The following HEATR5B variants were observed in gnomAD, a reference collection of about 807,000 sequenced individuals.
The protein encoded by HEATR5B is HEAT repeat-containing protein 5B.
Under a neutral mutation model 224.1 loss-of-function variants are expected in HEATR5B, and 156 were observed. That is an observed-to-expected ratio of 0.70 (90% CI 0.61 to 0.80). The LOEUF is 0.80. HEATR5B is among the 30% of genes least tolerant of loss of function. The probability of loss-of-function intolerance (pLI) is 0.00; values close to 1 mark genes in which losing one functional copy is unlikely to be tolerated. For missense variants in HEATR5B, 2,323 were observed against 2,535.5 expected, an observed-to-expected ratio of 0.92 and a Z score of 1.80; for synonymous variants, 1,027 against 893.0, an observed-to-expected ratio of 1.15 and a Z score of -2.68.
At chr2:37,023,748 C>A (rs10084334) in intron 24 of HEATR5B, among the ~76,000 whole-genome samples, 1 of 151,724 alleles carries the variant, frequency 6.6e-6, no homozygotes. Context: ...ACCGCACTTA[C>A]CTTGGGTGAC....
rs1044525844 is a variant in HEATR5B at position 36,997,617 on chromosome 2, A to C, written c.5545+2969T>G. On this transcript the variant is annotated intron_variant, in intron 33 of 35. Coordinates refer to ENST00000233099, the MANE Select transcript of HEATR5B (RefSeq NM_019024.3). ...AGTCTCGCTCTGTAGCCCAGGCTGG[A>C]GTGCAGTGGCGCGATCTCGGCTCAC... Among the ~76,000 whole-genome samples the C allele has an allele frequency of 1.2e-3, 153 of 128,076 alleles. 1 individual carries two copies. The highest frequency in any genetic ancestry group is 4.3e-3 in the African/African-American group (140 of 32,480). 84.0% of individuals were successfully genotyped at this position (128,076 alleles called of 152,430 possible).
intron 10 of HEATR5B, among the ~76,000 whole-genome samples, chr2:37,063,132 G>C (rs1219464182): frequency 6.6e-6 from 1 of 152,104 alleles, no homozygotes; most frequent in Non-Finnish European, 1.5e-5. Flanking sequence ...CATAATAGGA[G>C]TTCAACAAAT....
chr2:37,070,302 G>A lies in HEATR5B; in HGVS notation c.855C>T (p.Phe285=), dbSNP rs1239322052. The A allele has an allele frequency of 1.9e-6, 3 of 1,614,084 alleles. No homozygotes were observed. The highest frequency in any genetic ancestry group is 1.7e-5 in the Admixed American group (1 of 60,016). ...ATGFLRGGSG[F]LKSGGEMLKV... is the part of the protein sequence containing the mutation. ...TTAACATTTCTCCACCGCTCTTTAAGAAACCTGACCCTCCACGCAGAAATC... is the reference window on the plus strand; with the variant it reads ...TTAACATTTCTCCACCGCTCTTTAAAAAACCTGACCCTCCACGCAGAAATC... The change falls in exon 7 of 36, where the codon TTC becomes TTT. Residue 285 remains phenylalanine, a synonymous_variant. Coordinates refer to ENST00000233099, the MANE Select transcript of HEATR5B (RefSeq NM_019024.3).
At chr2:37,020,201 G>A (rs184879740) in intron 25 of HEATR5B, among the ~76,000 whole-genome samples, 1 of 152,096 alleles carries the variant, frequency 6.6e-6, no homozygotes, top group East Asian at 1.9e-4. Context: ...CACCATGCCC[G>A]GCCTCAGTAA....
intron 25 of HEATR5B, among the ~76,000 whole-genome samples, chr2:37,020,366 G>A (rs1473291606): frequency 6.6e-6 from 1 of 152,208 alleles, no homozygotes; most frequent in Non-Finnish European, 1.5e-5. Context: ...ATCTCTTAAA[G>A]GGCAGAGCTA....
intron 10 of HEATR5B, among the ~76,000 whole-genome samples, chr2:37,062,774 A>G (rs1014941847): frequency 7.2e-5 from 11 of 152,166 alleles, no homozygotes; most frequent in Non-Finnish European, 1.5e-4. Flanking sequence ...GTAAGCTCCA[A>G]AAGATTAGCT....
At chr2:37,022,881 AT>A (rs1415342114) in intron 24 of HEATR5B, among the ~76,000 whole-genome samples, 3 of 152,196 alleles carry the variant, frequency 2.0e-5, no homozygotes, top group Admixed American at 6.5e-5. Flanking sequence ...CAGCACTAAT[AT>A]CGTAAAATTT....
At chr2:36,991,109 G>A (rs1045706710) in intron 33 of HEATR5B, among the ~76,000 whole-genome samples, 1 of 152,166 alleles carries the variant, frequency 6.6e-6, no homozygotes, top group South Asian at 2.1e-4. Flanking sequence ...TTAAATGTAT[G>A]CAGTTATATT....
At position 37,003,612 on chromosome 2, in the gene HEATR5B, C is replaced by G. The variant is rs1359283669; in HGVS notation, c.4980G>C (p.Leu1660Phe). 3 of 1,612,368 alleles carry G rather than the reference C, an allele frequency of 1.9e-6. No homozygotes were observed. The highest frequency in any genetic ancestry group is 2.5e-6 in the Non-Finnish European group (3 of 1,178,662). The change falls in exon 31 of 36, where the codon TTG becomes TTC. Residue 1660 changes from leucine (L) to phenylalanine (F), a missense_variant. Transcript: ENST00000233099. The stretch of plus-strand genomic sequence containing the variant: ...CTATCTGTTGTACAACTCCAGTAAC[C>G]AACAGCTGGACAGATGATGGATTCC... Reference protein sequence around the residue: ...LTWNPSSVQLLVTGVVQQIVR... With the variant: ...LTWNPSSVQLFVTGVVQQIVR...
chr2:37,050,073 TG>T (rs2148523368), intron 17 of HEATR5B, among the ~76,000 whole-genome samples: 1 of 151,942 alleles, frequency 6.6e-6, no homozygotes, highest in African/African-American at 2.4e-5. Flanking sequence ...AAAAAGTTTT[TG>T]TAGAGACAGG....
In HEATR5B at chr2:37,056,607, T is replaced by C; in HGVS notation, c.2232A>G (p.Pro744=). The C allele has an allele frequency of 6.3e-7, 1 of 1,587,854 alleles. No individual in the cohort carries two copies. The highest frequency in any genetic ancestry group is 8.5e-7 in the Non-Finnish European group (1 of 1,170,286). Residue 744 remains proline, a synonymous_variant, in exon 16 of 36, where the codon CCA becomes CCG. Coordinates refer to ENST00000233099, the MANE Select transcript of HEATR5B (RefSeq NM_019024.3). ...DHKSIEDQLQ[P]NSASGSGALE... is the part of the protein sequence containing the mutation. Reference sequence around the variant, plus strand: ...GAGCCCCACTTCCAGAGGCACTGTTTGGCTGGAGCTGCAAAAGAGTGAAAT... The same window carrying C: ...GAGCCCCACTTCCAGAGGCACTGTTCGGCTGGAGCTGCAAAAGAGTGAAAT...
Position 37,007,046 on chromosome 2 carries a change from C to T in HEATR5B, c.4777+4G>A, listed in dbSNP as rs1299904715. On this transcript the variant is annotated splice_donor_region_variant and intron_variant, in intron 29 of 35. Transcript: ENST00000233099. Reference sequence around the variant, plus strand: ...CTTGAAATATATTAATATGACAGACCTACCTAAAATCAGATGCATTCTGTC... The same window carrying T: ...CTTGAAATATATTAATATGACAGACTTACCTAAAATCAGATGCATTCTGTC... The T allele has an allele frequency of 1.2e-6, 2 of 1,612,886 alleles. No individual in the cohort carries two copies. The highest frequency in any genetic ancestry group is 1.7e-6 in the Non-Finnish European group (2 of 1,178,990).
Position 37,061,886 on chromosome 2 carries a change from C to T in HEATR5B, c.1696+53G>A, listed in dbSNP as rs1671300404. 8 of 998,560 alleles carry T rather than the reference C, an allele frequency of 8.0e-6. No homozygotes were observed. In the Admixed American group the frequency reaches 1.0e-4, roughly 13 times the overall value. 61.9% of individuals were successfully genotyped at this position (998,560 alleles called of 1,614,324 possible). On this transcript the variant is annotated intron_variant, in intron 11 of 35. Transcript: ENST00000233099. ...ACACTTTTAAATTAAATTTGCTTTA[C>T]AGGCTACTGACAGTTATAGCGTGAC...
intron 35 of HEATR5B, among the ~76,000 whole-genome samples, chr2:36,982,855 GACACAGATACACACACAC>G (rs1331103194): frequency 1.1e-5 from 1 of 90,200 alleles, no homozygotes; most frequent in Non-Finnish European, 2.4e-5. Context: ...ACATATAACA[GACACAGATACACACACAC>G]ACACACACAC....
At chr2:37,038,211 C>T (rs1300108295) in intron 20 of HEATR5B, among the ~76,000 whole-genome samples, 187 bp from the exon 21 acceptor site, 1 of 152,134 alleles carries the variant, frequency 6.6e-6, no homozygotes, top group East Asian at 1.9e-4. Context: ...GCGATCTCGG[C>T]TCACTGCAAC....
intron 35 of HEATR5B, among the ~76,000 whole-genome samples, chr2:36,982,582 C>T (rs1387172404): frequency 6.6e-6 from 1 of 152,072 alleles, no homozygotes; most frequent in Admixed American, 6.6e-5. Flanking sequence ...AGAATGACAA[C>T]TGACGCAATT....
intron 26 of HEATR5B, among the ~76,000 whole-genome samples, chr2:37,015,087 A>G (rs1404045996): frequency 6.6e-6 from 1 of 152,240 alleles, no homozygotes; most frequent in Non-Finnish European, 1.5e-5. Flanking sequence ...GTAATATGGG[A>G]CACTTAAAAA....
At chr2:37,017,765 G>T (rs1668214755) in intron 26 of HEATR5B, among the ~76,000 whole-genome samples, 1 of 149,714 alleles carries the variant, frequency 6.7e-6, no homozygotes, top group South Asian at 2.1e-4. Flanking sequence ...TATGAAGAAT[G>T]ACAAAGTAGC....
chr2:37,007,293 A>AAAAT lies in HEATR5B; in HGVS notation c.4530_4533dup (p.Tyr1512IlefsTer5), dbSNP rs780837892. 2 of 1,613,566 alleles carry AAAAT rather than the reference A, an allele frequency of 1.2e-6. No homozygotes were observed. Among genetic ancestry groups the AAAAT allele is most frequent in the Admixed American group, 3.3e-5 (2 of 59,938 alleles). On this transcript the variant is annotated frameshift_variant, in exon 29 of 36. Coordinates refer to ENST00000233099, the MANE Select transcript of HEATR5B (RefSeq NM_019024.3). LOFTEE classifies it high-confidence loss of function. ...GCTGTATCAATAGTTTCAGGGGTAT[A>AAAAT]AAATGCTCCACCTGTAAAGCAATCA...
Sources: gnomAD v4.1 joint callset for allele counts (sites outside exome capture counted in the v4.1 genomes callset) on GRCh38, gnomAD v4.1.1 for gene constraint, MANE v1.5 for transcripts, NCBI Gene and HGNC (gene_info 2026-07-23, HGNC 2026-07-21) for gene names.